MBNL2: variants seen among roughly 807,000 people sequenced by gnomAD.
The protein encoded by MBNL2 is muscleblind-like protein 2.
A neutral mutation model predicts 41.9 loss-of-function variants in MBNL2; 17 were observed. The observed-to-expected ratio is 0.41, with a 90% CI of 0.28 to 0.61. MBNL2 has a LOEUF of 0.61. Ranked by LOEUF, MBNL2 falls within the 20% of genes least tolerant of loss-of-function variation. MBNL2 has a pLI of 0.35. For missense variants in MBNL2, 336 were observed against 505.6 expected (o/e 0.66, Z 3.22); for synonymous variants, 195 against 182.9 (o/e 1.07, Z -0.53).
chr13:97,295,574 A>G (rs568085994), intron 2 of MBNL2, among the ~76,000 whole-genome samples: 1 of 152,288 alleles, frequency 6.6e-6, no homozygotes, highest in Admixed American at 6.5e-5. Flanking sequence ...TTTGTTACAT[A>G]TCAAAAGGGT....
intron 1 of MBNL2, among the ~76,000 whole-genome samples, chr13:97,262,882 G>A (rs769397530): frequency 8.6e-5 from 13 of 151,958 alleles, no homozygotes; most frequent in Admixed American, 2.6e-4. Context: ...TCCTGCTTCC[G>A]CCTCCCAAGT....
intron 1 of MBNL2, among the ~76,000 whole-genome samples, chr13:97,229,402 T>C (rs867004275): frequency 6.6e-6 from 1 of 151,962 alleles, no homozygotes; most frequent in African/African-American, 2.4e-5. Flanking sequence ...GGCAAGGAAA[T>C]AGGTGAACTT....
intron 7 of MBNL2, 132 bp from the exon 8 acceptor site, chr13:97,365,004 C>A (rs2063739604): frequency 3.9e-6 from 3 of 767,238 alleles, no homozygotes; most frequent in Non-Finnish European, 7.3e-6. Context: ...GTGAATGGCC[C>A]TAAAAGACTG....
intron 2 of MBNL2, among the ~76,000 whole-genome samples, chr13:97,329,826 AACACACAC>A (rs60899519): frequency 6.7e-6 from 1 of 149,628 alleles, no homozygotes; most frequent in Non-Finnish European, 1.5e-5. Context: ...ATACACATGC[AACACACAC>A]ACACACACAC....
Position 97,346,716 on chromosome 13 carries a change from G to T in MBNL2, c.541-88G>T. On this transcript the variant is annotated intron_variant, in intron 4 of 8. Coordinates refer to ENST00000679496, the MANE Select transcript of MBNL2 (RefSeq NM_001382683.1). This position sits in a 1 kb window ranked among gnomAD's most constrained non-coding sequence, Gnocchi z 4.2. ...ATGAGCCACCATTGAAAGCGAGGCA[G>T]CCTCCGCTCCTCCCGCGGTGGCCGG... The T allele has an allele frequency of 9.2e-7, 1 of 1,082,274 alleles. No individual in the cohort carries two copies. Among genetic ancestry groups the T allele is most frequent in the Non-Finnish European group, 1.3e-6 (1 of 742,446 alleles). 67.0% of individuals were successfully genotyped at this position (1,082,274 alleles called of 1,614,324 possible).
At chr13:97,196,532 C>T in the MBNL2 span, among the ~76,000 whole-genome samples, 1 of 152,144 alleles carries the variant, frequency 6.6e-6, no homozygotes, top group Non-Finnish European at 1.5e-5. Flanking sequence ...CCATTATCAC[C>T]TTTAGGTCTG....
chr13:97,207,625 A>G, the MBNL2 span, among the ~76,000 whole-genome samples: 1 of 152,190 alleles, frequency 6.6e-6, no homozygotes, highest in Non-Finnish European at 1.5e-5. Flanking sequence ...TGGGAATTCA[A>G]GATGAGATTT....
intron 5 of MBNL2, 127 bp from the exon 6 acceptor site, chr13:97,356,669 C>T: frequency 7.4e-5 from 22 of 297,148 alleles, no homozygotes; most frequent in East Asian, 3.6e-4. Context: ...TATTTTTTTC[C>T]TTCTCACCTA....
upstream of MBNL2, among the ~76,000 whole-genome samples, chr13:97,216,595 T>A (rs1416536534): frequency 1.3e-5 from 2 of 152,158 alleles, no homozygotes; most frequent in Non-Finnish European, 2.9e-5. Context: ...GGCCATCTCT[T>A]CCAGTAAACC....
intron 2 of MBNL2, among the ~76,000 whole-genome samples, chr13:97,287,915 T>C (rs2054894211): frequency 1.1e-5 from 1 of 87,490 alleles, no homozygotes; most frequent in African/African-American, 3.4e-5. Context: ...CGGCTAATTT[T>C]CTGTTTTTTT....
At chr13:97,273,013 T>G (rs2051402034) in intron 1 of MBNL2, among the ~76,000 whole-genome samples, 1 of 152,340 alleles carries the variant, frequency 6.6e-6, no homozygotes, top group Non-Finnish European at 1.5e-5. Context: ...CAGCATTCAC[T>G]GAACTGCATT....
chr13:97,148,377 G>C, the MBNL2 span, among the ~76,000 whole-genome samples: 2 of 151,848 alleles, frequency 1.3e-5, no homozygotes, highest in Non-Finnish European at 2.9e-5. Flanking sequence ...ACAACCCATG[G>C]TTACATACCA....
At chr13:97,253,316 G>A (rs970668614) in intron 1 of MBNL2, among the ~76,000 whole-genome samples, 1 of 152,168 alleles carries the variant, frequency 6.6e-6, no homozygotes, top group Non-Finnish European at 1.5e-5. Context: ...AAATGAAAAA[G>A]TATAGTCCCA....
At chr13:97,250,566 T>A (rs1429486425) in intron 1 of MBNL2, among the ~76,000 whole-genome samples, 4 of 152,126 alleles carry the variant, frequency 2.6e-5, no homozygotes, top group African/African-American at 7.2e-5. Context: ...AACCTTGAGC[T>A]CCCTTTCTGA....
intron 8 of MBNL2, among the ~76,000 whole-genome samples, chr13:97,370,667 C>CAAA (rs35877156): frequency 7.3e-6 from 1 of 137,776 alleles, no homozygotes; most frequent in Admixed American, 7.4e-5. Context: ...GAAACTCCGT[C>CAAA]AAAAAAAAAA....
intron 1 of MBNL2, among the ~76,000 whole-genome samples, chr13:97,227,716 T>A (rs1474186099): frequency 6.6e-6 from 1 of 152,188 alleles, no homozygotes; most frequent in African/African-American, 2.4e-5. Flanking sequence ...AACTTAGAAC[T>A]GTCCCTGGGG....
At chr13:97,169,371 G>T in the MBNL2 span, among the ~76,000 whole-genome samples, 60 of 152,300 alleles carry the variant, frequency 3.9e-4, no homozygotes, top group African/African-American at 1.3e-3. Context: ...CAGACACTCT[G>T]CTGGACACCA....
chr13:97,353,611 T>G (rs528031822), intron 5 of MBNL2, among the ~76,000 whole-genome samples: 50 of 152,310 alleles, frequency 3.3e-4, no homozygotes, highest in African/African-American at 1.1e-3. Context: ...GACATTTATT[T>G]CCTTTGGAGT....
At chr13:97,375,827 G>C (rs540655277) in intron 8 of MBNL2, among the ~76,000 whole-genome samples, 13 of 152,304 alleles carry the variant, frequency 8.5e-5, no homozygotes, top group African/African-American at 3.1e-4. Flanking sequence ...GAAGAAGAGA[G>C]AACAGCTGTG....
Sources: allele counts gnomAD v4.1 joint callset (sites outside exome capture counted in the v4.1 genomes callset), GRCh38; gene constraint gnomAD v4.1.1; non-coding constraint Gnocchi (gnomAD v3.1); transcripts MANE v1.5; gene names NCBI Gene and HGNC (gene_info 2026-07-23, HGNC 2026-07-21).